MECOM: variants seen among roughly 807,000 people sequenced by gnomAD.
MECOM encodes the protein MDS1 and EVI1 complex locus.
A neutral mutation model predicts 116.3 loss-of-function variants in MECOM; 13 were observed. The ratio of observed to expected loss-of-function variants is 0.11; its 90% CI spans 0.07 to 0.18. The LOEUF is 0.18. Among genes scored for constraint, MECOM ranks in the 10% least tolerant of loss-of-function variants. MECOM has a pLI of 1.00. For missense variants in MECOM, 1,299 were observed against 1,509.0 expected (o/e 0.86, Z 2.31); for synonymous variants, 528 against 535.2 (o/e 0.99, Z 0.19).
chr3:169,160,711 G>A (rs1019892174), intron 2 of MECOM, among the ~76,000 whole-genome samples: 2 of 151,746 alleles, frequency 1.3e-5, no homozygotes, highest in East Asian at 1.9e-4. Flanking sequence ...AAGGCTGAAT[G>A]CTTGAAGTTA....
chr3:169,281,595 G>T (rs1436148127), intron 2 of MECOM, among the ~76,000 whole-genome samples: 1 of 152,140 alleles, frequency 6.6e-6, no homozygotes, highest in Non-Finnish European at 1.5e-5. Context: ...TGGATAGCTT[G>T]AGCTCAAGAG....
At chr3:169,374,736 T>C (rs952476755) in intron 2 of MECOM, among the ~76,000 whole-genome samples, 3 of 151,900 alleles carry the variant, frequency 2.0e-5, no homozygotes, top group African/African-American at 4.8e-5. Flanking sequence ...TATATTGTAA[T>C]TAGAAAGAAC....
chr3:169,534,933 G>A (rs113244086), intron 1 of MECOM, among the ~76,000 whole-genome samples: 2,721 of 152,298 alleles, frequency 0.018, 80 homozygotes, highest in African/African-American at 0.062. Flanking sequence ...AGTTGCATGG[G>A]CAACCTCTCC....
intron 1 of MECOM, among the ~76,000 whole-genome samples, chr3:169,467,459 A>C (rs1489907887): frequency 1.3e-5 from 2 of 152,196 alleles, no homozygotes; most frequent in African/African-American, 4.8e-5. Context: ...TCACGGGCCA[A>C]GGCAAGGAAA....
intron 1 of MECOM, among the ~76,000 whole-genome samples, chr3:169,476,122 A>T (rs1560324572): frequency 6.6e-6 from 1 of 152,184 alleles, no homozygotes. Flanking sequence ...GGAAAGGGAA[A>T]CATATATATA....
chr3:169,218,976 T>A (rs1297626755), intron 2 of MECOM, among the ~76,000 whole-genome samples: 1 of 152,116 alleles, frequency 6.6e-6, no homozygotes, highest in African/African-American at 2.4e-5. Context: ...GTGTGTGCTG[T>A]CTCCTGAGCT....
At chr3:169,132,937 A>G (rs1031440692) in intron 3 of MECOM, among the ~76,000 whole-genome samples, 2 of 151,766 alleles carry the variant, frequency 1.3e-5, no homozygotes, top group African/African-American at 4.8e-5. Flanking sequence ...ATTTTTTGGT[A>G]GAGATGGGAT....
chr3:169,133,072 CA>C (rs1375887671), intron 3 of MECOM, among the ~76,000 whole-genome samples: 4 of 151,232 alleles, frequency 2.6e-5, no homozygotes, highest in Non-Finnish European at 4.4e-5. Context: ...CTTATTAAGC[CA>C]AAAAAGTCCA....
chr3:169,367,746 G>C (rs6782361), intron 2 of MECOM, among the ~76,000 whole-genome samples: 2,033 of 152,124 alleles, frequency 0.013, 48 homozygotes, highest in African/African-American at 0.046. Context: ...ACAGTGTAAA[G>C]GGGCTGGATC....
At chr3:169,123,158 T>G (rs1020145046) in intron 5 of MECOM, among the ~76,000 whole-genome samples, 1 of 151,488 alleles carries the variant, frequency 6.6e-6, no homozygotes, top group Non-Finnish European at 1.5e-5. Flanking sequence ...TAAGCTCACT[T>G]GTGAGCTTAA....
intron 1 of MECOM, among the ~76,000 whole-genome samples, chr3:169,467,983 G>A (rs1388209786): frequency 6.6e-6 from 1 of 152,164 alleles, no homozygotes; most frequent in Non-Finnish European, 1.5e-5. Context: ...CTCAGGCTCT[G>A]TGGTTACTTT....
At chr3:169,560,325 T>C (rs945905775) in intron 1 of MECOM, among the ~76,000 whole-genome samples, 4 of 152,146 alleles carry the variant, frequency 2.6e-5, no homozygotes, top group African/African-American at 9.7e-5. Context: ...GAAACCAAAG[T>C]ATTTTTGTTT....
intron 1 of MECOM, among the ~76,000 whole-genome samples, chr3:169,536,095 G>C (rs535612636): frequency 6.6e-6 from 1 of 152,208 alleles, no homozygotes; most frequent in East Asian, 1.9e-4. Flanking sequence ...AGGAGTCCTG[G>C]TTCAGCCACC....
At chr3:169,462,877 C>T (rs955011226) in intron 1 of MECOM, among the ~76,000 whole-genome samples, 3 of 152,080 alleles carry the variant, frequency 2.0e-5, no homozygotes, top group Non-Finnish European at 4.4e-5. Flanking sequence ...ATTATTTGTT[C>T]ATGAAACTTT....
At chr3:169,533,792 A>G (rs1758980305) in intron 1 of MECOM, among the ~76,000 whole-genome samples, 1 of 152,070 alleles carries the variant, frequency 6.6e-6, no homozygotes, top group African/African-American at 2.4e-5. Flanking sequence ...GTTATTTATT[A>G]CTTACTGAAG....
chr3:169,313,804 C>T (rs1719235592), intron 2 of MECOM, among the ~76,000 whole-genome samples: 1 of 152,138 alleles, frequency 6.6e-6, no homozygotes, highest in African/African-American at 2.4e-5. Flanking sequence ...TCAGATCAAA[C>T]TAGAGCTTGG....
chr3:169,608,241 G>A (rs948849063), intron 1 of MECOM, among the ~76,000 whole-genome samples: 4 of 152,174 alleles, frequency 2.6e-5, no homozygotes, highest in Non-Finnish European at 5.9e-5. Flanking sequence ...GTGTTTGATC[G>A]CTGAGGCCTG....
intron 2 of MECOM, among the ~76,000 whole-genome samples, chr3:169,263,135 T>G (rs1757807271): frequency 1.7e-5 from 2 of 117,680 alleles, no homozygotes; most frequent in African/African-American, 3.3e-5. Flanking sequence ...ATATGTTTTT[T>G]TTTTTTTTTT....
chr3:169,557,459 T>C (rs887382967), intron 1 of MECOM, among the ~76,000 whole-genome samples: 5 of 152,196 alleles, frequency 3.3e-5, no homozygotes, highest in African/African-American at 9.6e-5. Flanking sequence ...GCATAAAATA[T>C]CTTTTTACTT....
Sources: gnomAD v4.1 joint callset for allele counts (sites outside exome capture counted in the v4.1 genomes callset) on GRCh38, gnomAD v4.1.1 for gene constraint, MANE v1.5 for transcripts, NCBI Gene and HGNC (gene_info 2026-07-23, HGNC 2026-07-21) for gene names.